Variants in XXYLT1 observed in about 807,000 individuals in gnomAD.
XXYLT1 encodes the protein UDP-xylose:alpha-xyloside alpha-1,3-xylosyltransferase.
A neutral mutation model predicts 28.9 loss-of-function variants in XXYLT1; 20 were observed. The ratio of observed to expected loss-of-function variants is 0.69; its 90% CI spans 0.49 to 1.00. The LOEUF (loss-of-function observed/expected upper bound fraction) is 1.00, where lower values mean the gene tolerates loss of function less well. Among genes scored for constraint, XXYLT1 ranks in the 50% least tolerant of loss-of-function variants. XXYLT1 has a pLI of 0.00. For missense variants in XXYLT1, 542 were observed against 560.1 expected (o/e 0.97, Z 0.33); for synonymous variants, 257 against 253.8 (o/e 1.01, Z -0.12).
intron 2 of XXYLT1, among the ~76,000 whole-genome samples, chr3:195,205,083 C>A (rs1723013365): frequency 6.6e-6 from 1 of 152,222 alleles, no homozygotes; most frequent in Non-Finnish European, 1.5e-5. Context: ...CTGGAAAAGT[C>A]TGCCAAACTC....
At chr3:195,104,610 C>G (rs80038625) in intron 3 of XXYLT1, among the ~76,000 whole-genome samples, 2,857 of 152,156 alleles carry the variant, frequency 0.019, 30 homozygotes, top group Middle Eastern at 0.027. Context: ...ATCCAGACAG[C>G]GTGGCACGAC....
At chr3:195,094,522 T>C (rs1331013940) in intron 3 of XXYLT1, 1 of 153,922 alleles carries the variant, frequency 6.5e-6, no homozygotes, top group Non-Finnish European at 1.5e-5. Flanking sequence ...TGTACAAAGC[T>C]GGACACCCGC....
chr3:195,193,867 G>A (rs1722520412), intron 2 of XXYLT1, among the ~76,000 whole-genome samples: 1 of 152,062 alleles, frequency 6.6e-6, no homozygotes, highest in South Asian at 2.1e-4. Flanking sequence ...AAAAGAATTT[G>A]GACCTTTATC....
At chr3:195,175,849 A>G in intron 2 of XXYLT1, 1 of 1,417,918 alleles carries the variant, frequency 7.1e-7, no homozygotes. Flanking sequence ...TAAAAGGAAG[A>G]TGTCCTAGAA....
intron 2 of XXYLT1, among the ~76,000 whole-genome samples, chr3:195,214,216 A>G (rs1306714731): frequency 6.6e-6 from 1 of 152,248 alleles, no homozygotes; most frequent in South Asian, 2.1e-4. Context: ...CCTCAGGGCT[A>G]AGAAGAAAAT....
At chr3:195,191,946 G>A (rs891570208) in intron 2 of XXYLT1, among the ~76,000 whole-genome samples, 1 of 152,276 alleles carries the variant, frequency 6.6e-6, no homozygotes. Flanking sequence ...GATAATTGAT[G>A]GAACAGAATA....
chr3:195,199,929 C>T (rs777899752), intron 2 of XXYLT1, among the ~76,000 whole-genome samples: 1 of 152,190 alleles, frequency 6.6e-6, no homozygotes, highest in Admixed American at 6.5e-5. Context: ...TAGAAAGGAG[C>T]ATTCCATGTC....
chr3:195,122,640 C>T (rs371260293), intron 3 of XXYLT1, among the ~76,000 whole-genome samples: 19 of 152,278 alleles, frequency 1.2e-4, no homozygotes, highest in African/African-American at 2.2e-4. Flanking sequence ...AAGGGGGAGG[C>T]GACTGCCAGC....
chr3:195,156,198 C>G (rs181934449), intron 3 of XXYLT1, among the ~76,000 whole-genome samples: 55 of 152,352 alleles, frequency 3.6e-4, no homozygotes, highest in African/African-American at 1.3e-3. Context: ...ATCCAACAAC[C>G]AGAACAACTG....
chr3:195,197,994 C>T (rs1447891471), intron 2 of XXYLT1, among the ~76,000 whole-genome samples: 1 of 152,240 alleles, frequency 6.6e-6, no homozygotes, highest in Non-Finnish European at 1.5e-5. Flanking sequence ...GGCTCACACG[C>T]TAATCGGGCT....
intron 2 of XXYLT1, among the ~76,000 whole-genome samples, chr3:195,170,370 C>G (rs933455962): frequency 1.3e-5 from 2 of 152,182 alleles, no homozygotes; most frequent in Non-Finnish European, 2.9e-5. Context: ...AGATTTAAGG[C>G]ATTTAGCCAT....
At chr3:195,165,786 G>A (rs1441932699) in intron 2 of XXYLT1, among the ~76,000 whole-genome samples, 1 of 152,004 alleles carries the variant, frequency 6.6e-6, no homozygotes, top group Admixed American at 6.6e-5. Flanking sequence ...CGTTATATTA[G>A]TGCTGTTGAT....
rs1013550240 is a variant in XXYLT1 at position 195,255,300 on chromosome 3, G to T, written c.504+15255C>A. On this transcript the variant is annotated intron_variant, in intron 1 of 3. Coordinates refer to ENST00000310380, the MANE Select transcript of XXYLT1 (RefSeq NM_152531.5). The surrounding 1 kb of genome is among the most constrained non-coding windows in gnomAD (Gnocchi z 4.5). ...CTGGGGCTGCAGGAGTGCAGAGCCA[G>T]GTGGGAGACAGCAGCGGGGTTCCCT... Among the ~76,000 whole-genome samples, 2 of 152,220 alleles carry T rather than the reference G, an allele frequency of 1.3e-5. No individual in the cohort carries two copies. The highest frequency in any genetic ancestry group is 4.8e-5 in the African/African-American group (2 of 41,458).
At chr3:195,186,019 T>C (rs535192799) in intron 2 of XXYLT1, among the ~76,000 whole-genome samples, 1 of 152,192 alleles carries the variant, frequency 6.6e-6, no homozygotes, top group Non-Finnish European at 1.5e-5. Flanking sequence ...CAACCTCCCC[T>C]CTCACCTAAG....
At chr3:195,191,267 C>A in intron 2 of XXYLT1, among the ~76,000 whole-genome samples, 1 of 152,270 alleles carries the variant, frequency 6.6e-6, no homozygotes, top group Middle Eastern at 3.4e-3. Flanking sequence ...TCTGCCACCC[C>A]TCAGAAAGAA....
At chr3:195,190,518 A>C (rs1006051075) in intron 2 of XXYLT1, among the ~76,000 whole-genome samples, 2 of 147,144 alleles carry the variant, frequency 1.4e-5, no homozygotes, top group African/African-American at 5.3e-5. Context: ...AAAAAAAAAA[A>C]ACTAAATGAA....
intron 3 of XXYLT1, among the ~76,000 whole-genome samples, chr3:195,082,567 T>C (rs1304507389): frequency 6.6e-6 from 1 of 152,162 alleles, no homozygotes; most frequent in African/African-American, 2.4e-5. Context: ...AAGAAGGATC[T>C]CTCGGCTGGG....
At chr3:195,096,087 C>T (rs930046342) in intron 3 of XXYLT1, 4 of 152,312 alleles carry the variant, frequency 2.6e-5, no homozygotes, top group Non-Finnish European at 4.4e-5. Context: ...CCTTAGCACG[C>T]GTTTATGGAC....
chr3:195,201,493 A>G (rs1722847712), intron 2 of XXYLT1, among the ~76,000 whole-genome samples: 1 of 152,150 alleles, frequency 6.6e-6, no homozygotes, highest in Non-Finnish European at 1.5e-5. Flanking sequence ...CTCAAATTCT[A>G]TACTCACTTT....
Sources: gnomAD v4.1 joint callset for allele counts (sites outside exome capture counted in the v4.1 genomes callset) on GRCh38, gnomAD v4.1.1 for gene constraint, Gnocchi (gnomAD v3.1) non-coding constraint, MANE v1.5 for transcripts, NCBI Gene and HGNC (gene_info 2026-07-23, HGNC 2026-07-21) for gene names.